ADAM12: variants seen among roughly 807,000 people sequenced by gnomAD.
ADAM12 encodes disintegrin and metalloproteinase domain-containing protein 12.
Under a neutral mutation model 106.4 loss-of-function variants are expected in ADAM12, and 70 were observed. That is an observed-to-expected ratio of 0.66 (90% CI 0.54 to 0.80). The LOEUF (loss-of-function observed/expected upper bound fraction) is 0.80, where lower values mean the gene tolerates loss of function less well. ADAM12 is among the 30% of genes least tolerant of loss of function. ADAM12 has a pLI of 0.00. For missense variants in ADAM12, 1,010 were observed against 1,171.9 expected (o/e 0.86, Z 2.02); for synonymous variants, 420 against 433.5 (o/e 0.97, Z 0.39).
chr10:126,343,392 T>A (rs1321789849), intron 1 of ADAM12, among the ~76,000 whole-genome samples: 2 of 152,172 alleles, frequency 1.3e-5, no homozygotes, highest in Non-Finnish European at 2.9e-5. Flanking sequence ...TATTCCATGG[T>A]GTATATGTGC....
At chr10:126,151,706 T>C (rs1443794651) in intron 4 of ADAM12, among the ~76,000 whole-genome samples, 6 of 151,960 alleles carry the variant, frequency 3.9e-5, no homozygotes. Context: ...TCTGAGCTTA[T>C]TTTTGTCAGT....
chr10:126,320,471 G>A lies in ADAM12; in HGVS notation c.186+9941C>T, dbSNP rs1854057697. Among the ~76,000 whole-genome samples the A allele has an allele frequency of 1.3e-5, 2 of 152,082 alleles. 1 individual carries two copies. Among genetic ancestry groups the A allele is most frequent in the Non-Finnish European group, 2.9e-5 (2 of 68,022 alleles). ...TCACTTTTTAGGGAAAGAATAGGAG[G>A]ATTTAAAAAAATCTGAACTTTACAT... On this transcript the variant is annotated intron_variant, in intron 2 of 22. Transcript: ENST00000448723.
chr10:126,285,243 TCTC>T (rs1442101824), intron 2 of ADAM12, among the ~76,000 whole-genome samples: 2 of 152,114 alleles, frequency 1.3e-5, no homozygotes, highest in Non-Finnish European at 2.9e-5. Context: ...GGAGGCAAGC[TCTC>T]CTCAACAAAG....
At chr10:126,113,447 G>A (rs866268794) in intron 6 of ADAM12, among the ~76,000 whole-genome samples, 12 of 151,128 alleles carry the variant, frequency 7.9e-5, no homozygotes, top group African/African-American at 2.7e-4. Context: ...ATCCCTCGCG[G>A]TCAGGAGTTC....
chr10:126,377,331 G>T (rs1212632721), intron 1 of ADAM12, among the ~76,000 whole-genome samples: 2 of 152,190 alleles, frequency 1.3e-5, no homozygotes, highest in Non-Finnish European at 2.9e-5. Flanking sequence ...TAGGCTGTCT[G>T]CAAGCTGAGG....
chr10:126,199,838 A>G (rs1426601369), intron 3 of ADAM12, among the ~76,000 whole-genome samples: 1 of 152,186 alleles, frequency 6.6e-6, no homozygotes, highest in Non-Finnish European at 1.5e-5. Flanking sequence ...TGACCTTGAG[A>G]AAGGCATTAA....
At chr10:126,083,852 C>T (rs559406968) in intron 11 of ADAM12, among the ~76,000 whole-genome samples, 5 of 152,316 alleles carry the variant, frequency 3.3e-5, no homozygotes, top group East Asian at 1.9e-4. Flanking sequence ...CAGGCTCAAA[C>T]GATAGAACAG....
At chr10:126,162,677 C>A (rs1956957569) in intron 3 of ADAM12, among the ~76,000 whole-genome samples, 1 of 152,098 alleles carries the variant, frequency 6.6e-6, no homozygotes, top group Non-Finnish European at 1.5e-5. Context: ...TGTGAGCGTC[C>A]ATACAGAGCA....
chr10:126,324,268 G>T (rs1268867799), intron 2 of ADAM12, among the ~76,000 whole-genome samples: 2 of 152,258 alleles, frequency 1.3e-5, no homozygotes, highest in African/African-American at 2.4e-5. Context: ...ATTTAAGAAT[G>T]AGTGCTTAAG....
In ADAM12 at chr10:126,135,355, GAGGAT is replaced by G. The variant is rs1956385322; in HGVS notation, c.416+224_416+228del. On this transcript the variant is annotated intron_variant, in intron 5 of 22. Coordinates refer to ENST00000448723, the MANE Select transcript of ADAM12 (RefSeq NM_001288973.2). ...CAGTCGCTTTTACCCCACCAGGCCT[GAGGAT>G]GGCACTGTAAGAGGGGGCATGAACA... The G allele has an allele frequency of 7.7e-6, 4 of 520,208 alleles. No homozygotes were observed. The South Asian group carries it at 1.3e-4, about 17-fold the overall frequency. 32.2% of individuals were successfully genotyped at this position (520,208 alleles called of 1,614,324 possible). A position where few individuals can be genotyped will look rare whatever the true frequency, so the allele number is the denominator to read the frequency against.
intron 3 of ADAM12, among the ~76,000 whole-genome samples, chr10:126,194,032 G>A (rs1010954058): frequency 2.0e-5 from 3 of 152,106 alleles, no homozygotes; most frequent in East Asian, 1.9e-4. Context: ...CCTGAAATGC[G>A]TTGGAAGCAG....
intron 4 of ADAM12, among the ~76,000 whole-genome samples, chr10:126,154,791 A>G: frequency 6.6e-6 from 1 of 152,328 alleles, no homozygotes; most frequent in East Asian, 1.9e-4. Context: ...ACGATATAGA[A>G]TCGTATCCAC....
At chr10:126,365,583 C>T (rs538640918) in intron 1 of ADAM12, among the ~76,000 whole-genome samples, 16 of 152,196 alleles carry the variant, frequency 1.1e-4, no homozygotes, top group African/African-American at 2.9e-4. Context: ...GCAAAGGTGA[C>T]GAAAGCCACC....
intron 21 of ADAM12, among the ~76,000 whole-genome samples, chr10:126,025,420 T>G (rs1953850593): frequency 6.6e-6 from 1 of 151,876 alleles, no homozygotes; most frequent in Admixed American, 6.6e-5. Context: ...GCAGAATAGA[T>G]GAAGCAGAGG....
At chr10:126,139,609 C>A (rs1956472975) in intron 4 of ADAM12, among the ~76,000 whole-genome samples, 1 of 152,020 alleles carries the variant, frequency 6.6e-6, no homozygotes, top group African/African-American at 2.4e-5. Context: ...AGAGGACTTA[C>A]CTACAGAGGG....
At chr10:126,355,629 A>G (rs1855513285) in intron 1 of ADAM12, among the ~76,000 whole-genome samples, 1 of 152,198 alleles carries the variant, frequency 6.6e-6, no homozygotes, top group African/African-American at 2.4e-5. Flanking sequence ...CTCAGGGCCC[A>G]TGGTTTCTGC....
intron 3 of ADAM12, among the ~76,000 whole-genome samples, chr10:126,177,658 T>G (rs1008592878): frequency 1.3e-5 from 2 of 152,182 alleles, no homozygotes; most frequent in African/African-American, 2.4e-5. Context: ...GGTTTAAGAA[T>G]GTGGGAAGAA....
At chr10:126,163,949 G>T (rs758577557) in intron 3 of ADAM12, among the ~76,000 whole-genome samples, 19 of 152,180 alleles carry the variant, frequency 1.2e-4, no homozygotes, top group Admixed American at 8.5e-4. Flanking sequence ...AAAAATAAAA[G>T]AAATATGCTT....
chr10:126,326,089 A>G (rs1038048358), intron 2 of ADAM12, among the ~76,000 whole-genome samples: 3 of 152,246 alleles, frequency 2.0e-5, no homozygotes, highest in African/African-American at 7.2e-5. Flanking sequence ...AGAACTTGAC[A>G]GTAATTTTAC....
Sources: gnomAD v4.1 joint callset for allele counts (sites outside exome capture counted in the v4.1 genomes callset) on GRCh38, gnomAD v4.1.1 for gene constraint, MANE v1.5 for transcripts, NCBI Gene and HGNC (gene_info 2026-07-23, HGNC 2026-07-21) for gene names.